The following CACNA1B variants were observed in gnomAD, a reference collection of about 807,000 sequenced individuals.
CACNA1B encodes the protein voltage-dependent N-type calcium channel subunit alpha-1B.
A neutral mutation model predicts 247.2 loss-of-function variants in CACNA1B; 70 were observed. The observed-to-expected ratio is 0.28, with a 90% CI of 0.23 to 0.35. The LOEUF (loss-of-function observed/expected upper bound fraction) is 0.35. Ranked by LOEUF, CACNA1B falls within the 10% of genes least tolerant of loss-of-function variation. CACNA1B has a pLI of 1.00. For missense variants in CACNA1B, 2,367 were observed against 3,197.4 expected, an observed-to-expected ratio of 0.74 and a Z score of 6.26; for synonymous variants, 1,231 against 1,294.4, an observed-to-expected ratio of 0.95 and a Z score of 1.05.
At position 137,971,601 on chromosome 9, in the gene CACNA1B, C is replaced by T. The variant is rs1174278732; in HGVS notation, c.1543+9C>T. On this transcript the variant is annotated intron_variant, in intron 11 of 46. Coordinates refer to ENST00000371372, the MANE Select transcript of CACNA1B (RefSeq NM_000718.4). The surrounding 1 kb of genome is among the most constrained non-coding windows in gnomAD (Gnocchi z 4.4). ...GCTTACCACGACCCTGTGTACGTAT[C>T]CCCGTCCCTCCCTCAGGTGCTTCCT... The T allele has an allele frequency of 3.7e-6, 6 of 1,606,384 alleles. No individual in the cohort carries two copies. The African/African-American group carries it at 6.7e-5, about 18-fold the overall frequency.
In CACNA1B at chr9:138,111,607, T is replaced by C. The variant is rs142994652; in HGVS notation, c.5429-791T>C. 2.2e-4 allele frequency among the ~76,000 whole-genome samples: 34 copies of C among 152,248 alleles called. No homozygotes were observed. The East Asian group carries it at 6.6e-3, about 29-fold the overall frequency. ...TGAATTCACCAAAGTTCATAGAGAA[T>C]GAAAAAGGGTGACTCTCACTGCATG... On this transcript the variant is annotated intron_variant, in intron 39 of 46. Transcript: ENST00000371372.
intron 15 of CACNA1B, among the ~76,000 whole-genome samples, chr9:137,991,226 T>C (rs1298451179): frequency 6.6e-6 from 1 of 152,080 alleles, no homozygotes; most frequent in East Asian, 1.9e-4. Context: ...TTCAGTGAAA[T>C]CGCATAAAAA....
intron 12 of CACNA1B, among the ~76,000 whole-genome samples, chr9:137,979,663 C>T (rs1373468319): frequency 1.3e-5 from 2 of 152,152 alleles, no homozygotes; most frequent in African/African-American, 4.8e-5. Context: ...CATTGTAAAA[C>T]ACCTTCACCC....
At chr9:137,898,518 T>A (rs1405189501) in intron 3 of CACNA1B, among the ~76,000 whole-genome samples, 4 of 151,736 alleles carry the variant, frequency 2.6e-5, no homozygotes, top group Non-Finnish European at 5.9e-5. Flanking sequence ...TTTCTTTTTA[T>A]TTTTTGAGAC....
rs142113583 is a variant in CACNA1B, at chr9:138,094,267, G to A, written c.5095-2217G>A. On this transcript the variant is annotated intron_variant, in intron 36 of 46. Coordinates refer to ENST00000371372, the MANE Select transcript of CACNA1B (RefSeq NM_000718.4). Reference sequence around the variant, plus strand: ...AGAATGGTGGTTTCCAGGGGAGGATGGATGAGGAATTATTGTTTCATGGAT... The same window carrying A: ...AGAATGGTGGTTTCCAGGGGAGGATAGATGAGGAATTATTGTTTCATGGAT... Among the ~76,000 whole-genome samples, 10 of 152,180 alleles carry A rather than the reference G, an allele frequency of 6.6e-5. No individual in the cohort carries two copies. The East Asian group carries it at 1.9e-3, about 29-fold the overall frequency.
chr9:138,076,101 T>C (rs575397536), intron 35 of CACNA1B, among the ~76,000 whole-genome samples, 191 bp downstream of exon 35: 2 of 152,292 alleles, frequency 1.3e-5, no homozygotes, highest in Admixed American at 6.5e-5. Context: ...GCTCTTGATA[T>C]CTGCCCCAGT....
intron 11 of CACNA1B, 21 bp from the exon 12 acceptor site, chr9:137,975,886 C>G: frequency 6.7e-7 from 1 of 1,487,186 alleles, no homozygotes. Context: ...GCTAATCCCC[C>G]TCTTCTCCGG....
chr9:138,088,109 C>T (rs2131332116), intron 36 of CACNA1B, among the ~76,000 whole-genome samples: 1 of 152,216 alleles, frequency 6.6e-6, no homozygotes, highest in East Asian at 1.9e-4. Flanking sequence ...TGGCTCACAC[C>T]TGTAATCCCA....
At chr9:138,095,717 C>T (rs1961031396) in intron 36 of CACNA1B, among the ~76,000 whole-genome samples, 1 of 152,086 alleles carries the variant, frequency 6.6e-6, no homozygotes, top group Non-Finnish European at 1.5e-5. Context: ...AGAAACAACC[C>T]AAATGCCTAT....
chr9:138,102,620 C>A lies in CACNA1B; in HGVS notation c.5223-91C>A. 1 of 594,312 alleles carries A rather than the reference C, an allele frequency of 1.7e-6. No individual in the cohort carries two copies. The highest frequency in any genetic ancestry group is 2.1e-5 in the South Asian group (1 of 46,582). 36.8% of individuals were successfully genotyped at this position (594,312 alleles called of 1,614,324 possible). ...TTTCTTGTCTGCTTCCTCCCTGCCC[C>A]TACCCCGCTCCCCTCCCCGCTCCCC... On this transcript the variant is annotated intron_variant, in intron 37 of 46. Coordinates refer to ENST00000371372, the MANE Select transcript of CACNA1B (RefSeq NM_000718.4). The surrounding 1 kb of genome is among the most constrained non-coding windows in gnomAD (Gnocchi z 5.4).
At position 137,954,157 on chromosome 9, in the gene CACNA1B, C is replaced by T. The variant is rs1957914533; in HGVS notation, c.1071-1541C>T. ...AGCGCAGCTGAACCCTCCCTCAGGCCCACAGGCCCAGCAGAGGGCCCCCAA... is the reference window on the plus strand; with the variant it reads ...AGCGCAGCTGAACCCTCCCTCAGGCTCACAGGCCCAGCAGAGGGCCCCCAA... On this transcript the variant is annotated intron_variant, in intron 7 of 46. Coordinates refer to ENST00000371372, the MANE Select transcript of CACNA1B (RefSeq NM_000718.4). This position sits in a 1 kb window ranked among gnomAD's most constrained non-coding sequence, Gnocchi z 4.1. Among the ~76,000 whole-genome samples the T allele has an allele frequency of 1.3e-5, 2 of 152,140 alleles. No homozygotes were observed. The highest frequency in any genetic ancestry group is 4.1e-4 in the South Asian group (2 of 4,830).
chr9:137,936,720 C>T (rs1183517546), intron 6 of CACNA1B, among the ~76,000 whole-genome samples: 1 of 152,188 alleles, frequency 6.6e-6, no homozygotes. Context: ...TTCCCAGCAC[C>T]ATTTATTAAA....
chr9:138,042,367 T>C (rs1043601686), intron 20 of CACNA1B, among the ~76,000 whole-genome samples: 5 of 152,210 alleles, frequency 3.3e-5, no homozygotes, highest in Non-Finnish European at 7.3e-5. Flanking sequence ...GGAGAATCAC[T>C]TGAACTCAGG....
intron 26 of CACNA1B, among the ~76,000 whole-genome samples, chr9:138,055,979 T>C (rs1288749882): frequency 2.0e-5 from 3 of 152,184 alleles, no homozygotes; most frequent in Non-Finnish European, 4.4e-5. Context: ...TGAGCCAAGA[T>C]TGTGCCACTG....
At chr9:138,098,782 C>T (rs1240180256) in intron 37 of CACNA1B, among the ~76,000 whole-genome samples, 6 of 152,186 alleles carry the variant, frequency 3.9e-5, no homozygotes, top group African/African-American at 7.2e-5. Context: ...AGAGATAGCA[C>T]GCACAAAATA....
At chr9:138,080,202 G>C (rs1245791941) in intron 36 of CACNA1B, among the ~76,000 whole-genome samples, 2 of 152,238 alleles carry the variant, frequency 1.3e-5, no homozygotes, top group Non-Finnish European at 1.5e-5. Flanking sequence ...TGCAAGGAGG[G>C]AGAGAAGGGT....
chr9:138,050,416 G>T lies in CACNA1B; in HGVS notation c.3710+1101G>T, dbSNP rs894016654. Among the ~76,000 whole-genome samples, 2 of 152,226 alleles carry T rather than the reference G, an allele frequency of 1.3e-5. No homozygotes were observed. Among genetic ancestry groups the T allele is most frequent in the African/African-American group, 4.8e-5 (2 of 41,466 alleles). ...GAACTGCCACCTGTGGCCACAGCCCGAGGACCGGGGACATCGCGAGGCGCT... is the reference window on the plus strand; with the variant it reads ...GAACTGCCACCTGTGGCCACAGCCCTAGGACCGGGGACATCGCGAGGCGCT... On this transcript the variant is annotated intron_variant, in intron 24 of 46. Transcript: ENST00000371372. The surrounding 1 kb of genome is among the most constrained non-coding windows in gnomAD (Gnocchi z 5.2).
intron 34 of CACNA1B, 52 bp from the exon 35 acceptor site, chr9:138,075,767 G>A (rs1045654995): frequency 5.7e-6 from 7 of 1,226,020 alleles, no homozygotes; most frequent in Admixed American, 3.8e-5. Context: ...TCCACCTGGC[G>A]CGGCTCCTGC....
At chr9:137,988,155 T>G (rs951311387) in intron 15 of CACNA1B, among the ~76,000 whole-genome samples, 3 of 152,236 alleles carry the variant, frequency 2.0e-5, no homozygotes, top group African/African-American at 7.2e-5. Flanking sequence ...TGTCAGCCTC[T>G]GGGACAGAGG....
Sources: gnomAD v4.1 joint callset for allele counts (sites outside exome capture counted in the v4.1 genomes callset) on GRCh38, gnomAD v4.1.1 for gene constraint, Gnocchi (gnomAD v3.1) non-coding constraint, MANE v1.5 for transcripts, NCBI Gene and HGNC (gene_info 2026-07-23, HGNC 2026-07-21) for gene names.